ATP8A2: variants seen among roughly 807,000 people sequenced by gnomAD.
ATP8A2 encodes the protein phospholipid-transporting ATPase IB.
ATP8A2 carries 100 observed loss-of-function variants against 165.6 expected under a neutral mutation model. The observed-to-expected ratio is 0.60, with a 90% CI of 0.51 to 0.71. The LOEUF is 0.71. ATP8A2 is among the 30% of genes least tolerant of loss of function. ATP8A2 has a pLI of 0.00. For missense variants in ATP8A2, 1,227 were observed against 1,479.5 expected (o/e 0.83, Z 2.80); for synonymous variants, 543 against 548.8 (o/e 0.99, Z 0.15).
intron 2 of ATP8A2, among the ~76,000 whole-genome samples, chr13:25,496,177 T>C (rs1045273971): frequency 6.6e-6 from 1 of 152,162 alleles, no homozygotes; most frequent in Non-Finnish European, 1.5e-5. Context: ...ATTCCTACAA[T>C]TGATGACTTT....
intron 1 of ATP8A2, among the ~76,000 whole-genome samples, chr13:25,451,215 C>T (rs2035215397): frequency 6.6e-6 from 1 of 152,106 alleles, no homozygotes; most frequent in African/African-American, 2.4e-5. Flanking sequence ...TTTGCAGTGC[C>T]TAATCTGCTA....
intron 25 of ATP8A2, among the ~76,000 whole-genome samples, chr13:25,712,349 T>G (rs183904436): frequency 3.3e-5 from 5 of 149,794 alleles, no homozygotes; most frequent in African/African-American, 7.7e-5. Context: ...TGTCAGTTAG[T>G]GCTGCTGCCC....
chr13:25,730,826 AG>A (rs1555256567), intron 25 of ATP8A2, among the ~76,000 whole-genome samples: 2 of 152,080 alleles, frequency 1.3e-5, no homozygotes, highest in Non-Finnish European at 2.9e-5. Flanking sequence ...CTGTAATCCT[AG>A]CACTTTGGGA....
chr13:26,019,005 A>G (rs1427261583), intron 36 of ATP8A2, among the ~76,000 whole-genome samples: 4 of 152,224 alleles, frequency 2.6e-5, no homozygotes, highest in African/African-American at 9.6e-5. Context: ...AGGTCCAATC[A>G]ATCACTAAAT....
intron 27 of ATP8A2, among the ~76,000 whole-genome samples, chr13:25,799,652 C>T (rs1158397877): frequency 1.3e-5 from 2 of 152,192 alleles, no homozygotes; most frequent in Admixed American, 1.3e-4. Context: ...GTGGCCTTGC[C>T]TCCGTCCCTG....
chr13:25,901,277 G>A (rs571965601), intron 33 of ATP8A2, among the ~76,000 whole-genome samples: 2 of 152,116 alleles, frequency 1.3e-5, no homozygotes, highest in African/African-American at 2.4e-5. Flanking sequence ...AATAAGGGAA[G>A]CAGAAAGGTG....
intron 33 of ATP8A2, among the ~76,000 whole-genome samples, chr13:25,943,800 C>T (rs1955137764): frequency 6.6e-6 from 1 of 152,026 alleles, no homozygotes; most frequent in Admixed American, 6.5e-5. Context: ...TGTAGACTCC[C>T]AGCCTTCTAT....
At chr13:25,585,180 C>G (rs539802018) in intron 23 of ATP8A2, among the ~76,000 whole-genome samples, 17 of 152,248 alleles carry the variant, frequency 1.1e-4, no homozygotes, top group African/African-American at 4.1e-4. Flanking sequence ...TTGCCAGAAT[C>G]CTGCAACACT....
At chr13:26,016,522 G>A (rs775366888) in intron 36 of ATP8A2, among the ~76,000 whole-genome samples, 14 of 152,110 alleles carry the variant, frequency 9.2e-5, no homozygotes, top group Non-Finnish European at 1.3e-4. Context: ...GGCATGTTAT[G>A]GAAAACAAGA....
At chr13:25,639,489 A>T (rs2041457301) in intron 24 of ATP8A2, among the ~76,000 whole-genome samples, 1 of 152,194 alleles carries the variant, frequency 6.6e-6, no homozygotes, top group Non-Finnish European at 1.5e-5. Flanking sequence ...ATCAATGAAG[A>T]TCGAAAGAGA....
chr13:25,919,661 C>T (rs1954384562), intron 33 of ATP8A2, among the ~76,000 whole-genome samples: 1 of 152,118 alleles, frequency 6.6e-6, no homozygotes, highest in African/African-American at 2.4e-5. Flanking sequence ...CCATCACTGC[C>T]CCTCATACTC....
chr13:25,875,945 C>T (rs1043524077), intron 33 of ATP8A2, among the ~76,000 whole-genome samples: 3 of 152,216 alleles, frequency 2.0e-5, no homozygotes, highest in South Asian at 4.1e-4. Context: ...CAGTGGGCCA[C>T]AGATGGCACT....
At chr13:25,889,257 T>TATATATATATAC (rs1953273504) in intron 33 of ATP8A2, among the ~76,000 whole-genome samples, 1 of 145,140 alleles carries the variant, frequency 6.9e-6, no homozygotes, top group Non-Finnish European at 1.5e-5. Flanking sequence ...TATATATATA[T>TATATATATATAC]ATATATATAT....
At chr13:25,549,686 A>G (rs1256799003) in intron 10 of ATP8A2, among the ~76,000 whole-genome samples, 1 of 151,954 alleles carries the variant, frequency 6.6e-6, no homozygotes, top group African/African-American at 2.4e-5. Flanking sequence ...GGCTGCTGTG[A>G]CAGATTTCCA....
At chr13:25,609,826 G>A (rs924163818) in intron 24 of ATP8A2, among the ~76,000 whole-genome samples, 1 of 150,884 alleles carries the variant, frequency 6.6e-6, no homozygotes. Flanking sequence ...CAGGAGTAAG[G>A]TGGTATCCCA....
intron 2 of ATP8A2, 102 bp downstream of exon 2, chr13:25,469,223 GT>G: frequency 7.1e-7 from 1 of 1,412,848 alleles, no homozygotes; most frequent in Non-Finnish European, 9.5e-7. Context: ...GCCGGCCCCC[GT>G]CCATCTCCCC....
At chr13:25,626,000 G>A (rs1295286339) in intron 24 of ATP8A2, among the ~76,000 whole-genome samples, 1 of 152,090 alleles carries the variant, frequency 6.6e-6, no homozygotes, top group Non-Finnish European at 1.5e-5. Context: ...TGTTTCAAAG[G>A]TTATACAGTC....
At chr13:25,520,600 T>G (rs544650341) in intron 2 of ATP8A2, among the ~76,000 whole-genome samples, 18 of 146,924 alleles carry the variant, frequency 1.2e-4, no homozygotes, top group East Asian at 3.9e-4. Context: ...AGTTTTTTTT[T>G]TTTTTGTTTT....
intron 1 of ATP8A2, among the ~76,000 whole-genome samples, chr13:25,413,278 GTTTTTTTT>G (rs1195456593): frequency 9.5e-6 from 1 of 105,262 alleles, no homozygotes; most frequent in African/African-American, 3.7e-5. Context: ...CTTTTTCTTT[GTTTTTTTT>G]TTTTTTTTTT....
Sources: gnomAD v4.1 joint callset for allele counts (sites outside exome capture counted in the v4.1 genomes callset) on GRCh38, gnomAD v4.1.1 for gene constraint, MANE v1.5 for transcripts, NCBI Gene and HGNC (gene_info 2026-07-23, HGNC 2026-07-21) for gene names.